Variants in CACNA2D1 observed in about 807,000 individuals in gnomAD.
CACNA2D1 encodes voltage-dependent calcium channel subunit alpha-2/delta-1.
In CACNA2D1, 53 loss-of-function variants were observed where a neutral mutation model predicts 171.5. That is an observed-to-expected ratio of 0.31 (90% CI 0.25 to 0.39). The LOEUF (loss-of-function observed/expected upper bound fraction) is 0.39, where lower values mean the gene tolerates loss of function less well. CACNA2D1 is among the 10% of genes least tolerant of loss of function. The pLI, the probability that CACNA2D1 is intolerant of heterozygous loss-of-function variation, is 1.00. For missense variants in CACNA2D1, 903 were observed against 1,299.8 expected (o/e 0.69, Z 4.69); for synonymous variants, 442 against 443.1 (o/e 1.00, Z 0.03).
At position 81,962,293 on chromosome 7, in the gene CACNA2D1, A is replaced by G. The variant is rs181291411; in HGVS notation, c.2836+147T>C. 63 of 728,554 alleles carry G rather than the reference A, an allele frequency of 8.6e-5. 1 individual carries two copies. The East Asian group carries it at 1.2e-3, about 14-fold the overall frequency. The allele number at this position is 728,554 out of a possible 1,614,324, so 45.1% of individuals were successfully genotyped here. A position where few individuals can be genotyped will look rare whatever the true frequency, so the allele number is the denominator to read the frequency against. On this transcript the variant is annotated intron_variant, in intron 35 of 38. Transcript: ENST00000356860. ...TTTCTAAAACATTAGGAAAGGTTGG[A>G]CAAAAAGTTTCTAGCTCTAAAATTA...
intron 32 of CACNA2D1, among the ~76,000 whole-genome samples, chr7:81,964,674 A>G (rs1384580091): frequency 6.6e-6 from 1 of 151,902 alleles, no homozygotes; most frequent in Non-Finnish European, 1.5e-5. Flanking sequence ...GAGAGGTATA[A>G]GTGGAAGGGT....
At chr7:82,026,333 T>C (rs1801905692) in intron 12 of CACNA2D1, among the ~76,000 whole-genome samples, 1 of 151,584 alleles carries the variant, frequency 6.6e-6, no homozygotes, top group South Asian at 2.1e-4. Context: ...TTATTTTCTG[T>C]CTTATTTTTC....
chr7:82,416,732 T>C (rs1828212305), intron 1 of CACNA2D1, among the ~76,000 whole-genome samples: 1 of 152,176 alleles, frequency 6.6e-6, no homozygotes. Flanking sequence ...ACTAGTTACA[T>C]CTGCAAAGAC....
chr7:82,136,976 A>C (rs149687592), intron 4 of CACNA2D1, among the ~76,000 whole-genome samples: 1 of 152,318 alleles, frequency 6.6e-6, no homozygotes, highest in African/African-American at 2.4e-5. Flanking sequence ...ACATATATAC[A>C]CTGATATATT....
intron 10 of CACNA2D1, among the ~76,000 whole-genome samples, chr7:82,047,622 G>A (rs1804703576): frequency 1.3e-5 from 2 of 152,040 alleles, no homozygotes; most frequent in Admixed American, 1.3e-4. Flanking sequence ...GTTCAGCACT[G>A]TTCTGATTGA....
intron 18 of CACNA2D1, 94 bp downstream of exon 18, chr7:82,005,329 G>T: frequency 1.3e-6 from 1 of 796,554 alleles, no homozygotes; most frequent in Non-Finnish European, 2.2e-6. Flanking sequence ...GATATTTAGT[G>T]TTATACGGTA....
chr7:82,180,952 A>C (rs1185035086), intron 3 of CACNA2D1, among the ~76,000 whole-genome samples: 1 of 150,250 alleles, frequency 6.7e-6, no homozygotes, highest in Non-Finnish European at 1.5e-5. Context: ...GCTAGTTTGA[A>C]GAAAACATGC....
chr7:81,959,877 TAAATG>T (rs2130188977), intron 36 of CACNA2D1, 48 bp from the exon 37 acceptor site: 1 of 1,583,052 alleles, frequency 6.3e-7, no homozygotes, highest in Non-Finnish European at 8.6e-7. Flanking sequence ...TTTTCCAAAA[TAAATG>T]GAAATCTTTC....
At chr7:82,386,747 T>TAAAG (rs1312223646) in intron 1 of CACNA2D1, among the ~76,000 whole-genome samples, 2 of 136,566 alleles carry the variant, frequency 1.5e-5, no homozygotes, top group African/African-American at 6.6e-5. Context: ...AATAAATAAA[T>TAAAG]AAATAAATAA....
intron 18 of CACNA2D1, 106 bp from the exon 19 acceptor site, chr7:81,997,356 A>G (rs1166269510): frequency 1.4e-6 from 1 of 708,056 alleles, no homozygotes; most frequent in African/African-American, 1.8e-5. Flanking sequence ...ATTACCTAGG[A>G]TACAATAATT....
At chr7:81,970,910 T>C in intron 26 of CACNA2D1, 173 bp from the exon 27 acceptor site, 1 of 587,642 alleles carries the variant, frequency 1.7e-6, no homozygotes, top group Non-Finnish European at 3.1e-6. Context: ...TTGAAGGATG[T>C]TTAAGGAAGA....
At chr7:82,301,076 G>T (rs1812938802) in intron 3 of CACNA2D1, among the ~76,000 whole-genome samples, 1 of 152,162 alleles carries the variant, frequency 6.6e-6, no homozygotes, top group South Asian at 2.1e-4. Context: ...GAGATGGTAA[G>T]AATGTGAATG....
At chr7:81,976,682 G>A (rs1224623074) in intron 24 of CACNA2D1, among the ~76,000 whole-genome samples, 3 of 152,146 alleles carry the variant, frequency 2.0e-5, no homozygotes, top group Non-Finnish European at 2.9e-5. Context: ...GTGAAACCTC[G>A]TCTCTACTAA....
chr7:82,003,145 A>G (rs1167700345), intron 18 of CACNA2D1, among the ~76,000 whole-genome samples: 3 of 152,158 alleles, frequency 2.0e-5, no homozygotes, highest in Non-Finnish European at 4.4e-5. Context: ...GGAATCATAA[A>G]TGGAAATCAT....
At chr7:81,970,083 T>C (rs1349848155) in intron 27 of CACNA2D1, 99 bp from the exon 28 acceptor site, 5 of 756,590 alleles carry the variant, frequency 6.6e-6, no homozygotes, top group Non-Finnish European at 1.2e-5. Context: ...CGCCTACATC[T>C]CAGGTATGTC....
intron 3 of CACNA2D1, among the ~76,000 whole-genome samples, chr7:82,317,270 AAC>A (rs1815239801): frequency 6.6e-6 from 1 of 152,208 alleles, no homozygotes; most frequent in Non-Finnish European, 1.5e-5. Context: ...CTGTCACACA[AAC>A]ACAACAAAAA....
intron 3 of CACNA2D1, among the ~76,000 whole-genome samples, chr7:82,290,221 G>A (rs1811348332): frequency 6.6e-6 from 1 of 152,150 alleles, no homozygotes; most frequent in South Asian, 2.1e-4. Flanking sequence ...AAGGACAGAG[G>A]CAAGCATAAT....
Position 82,226,183 on chromosome 7 carries a change from C to A in CACNA2D1, c.295-55574G>T, listed in dbSNP as rs377620937. ...TTTATGGCAAAGTAACTGTCATAAA[C>A]CAAAGACTCATTGACTTTCATTGAT... is the stretch of plus-strand genomic sequence containing the variant. On this transcript the variant is annotated intron_variant, in intron 3 of 38. Transcript: ENST00000356860. Among the ~76,000 whole-genome samples the A allele has an allele frequency of 1.8e-3, 276 of 152,222 alleles. 6 individuals are homozygous for A. The South Asian group carries it at 0.045, about 25-fold the overall frequency.
intron 3 of CACNA2D1, among the ~76,000 whole-genome samples, chr7:82,284,681 C>T (rs1810534213): frequency 6.6e-6 from 1 of 152,118 alleles, no homozygotes. Context: ...CTGTACAGCG[C>T]TAATGGCATC....
Sources: allele counts gnomAD v4.1 joint callset (sites outside exome capture counted in the v4.1 genomes callset), GRCh38; gene constraint gnomAD v4.1.1; transcripts MANE v1.5; gene names NCBI Gene and HGNC (gene_info 2026-07-23, HGNC 2026-07-21).